The following ITGA8 variants were observed in gnomAD, a reference collection of about 807,000 sequenced individuals.
ITGA8 encodes the protein integrin alpha-8.
A neutral mutation model predicts 142.3 loss-of-function variants in ITGA8; 91 were observed. The ratio of observed to expected loss-of-function variants is 0.64; its 90% confidence interval spans 0.54 to 0.76. The LOEUF (loss-of-function observed/expected upper bound fraction) is 0.76. ITGA8 is among the 30% of genes least tolerant of loss of function. ITGA8 has a pLI of 0.00. For missense variants in ITGA8, 1,406 were observed against 1,327.7 expected (o/e 1.06, Z -0.92); for synonymous variants, 505 against 485.2 (o/e 1.04, Z -0.54).
At chr10:15,554,743 C>G (rs796839364) in intron 26 of ITGA8, among the ~76,000 whole-genome samples, 1 of 114,948 alleles carries the variant, frequency 8.7e-6, no homozygotes, top group Non-Finnish European at 1.9e-5. Flanking sequence ...TTCTTTCTTT[C>G]TTTCTTTTTT....
At chr10:15,610,201 G>A (rs1457728603) in intron 15 of ITGA8, among the ~76,000 whole-genome samples, 12 of 152,124 alleles carry the variant, frequency 7.9e-5, no homozygotes, top group Admixed American at 7.9e-4. Context: ...AAGAGTCTGT[G>A]AAGTCATAAT....
intron 2 of ITGA8, among the ~76,000 whole-genome samples, chr10:15,703,238 A>G (rs1302543264): frequency 6.6e-6 from 1 of 152,208 alleles, no homozygotes; most frequent in Non-Finnish European, 1.5e-5. Flanking sequence ...ATGAGAATAT[A>G]AATTTTCTGC....
At chr10:15,659,498 G>C (rs1461778945) in intron 9 of ITGA8, among the ~76,000 whole-genome samples, 1 of 152,150 alleles carries the variant, frequency 6.6e-6, no homozygotes, top group Non-Finnish European at 1.5e-5. Flanking sequence ...AGACAACCGT[G>C]ATGCTTTCTA....
intron 8 of ITGA8, among the ~76,000 whole-genome samples, chr10:15,669,205 G>T (rs1466267454): frequency 6.6e-6 from 1 of 152,118 alleles, no homozygotes; most frequent in East Asian, 1.9e-4. Flanking sequence ...TTTCTTGGAG[G>T]CTTTGTTCAT....
chr10:15,681,503 C>A (rs1455671526), intron 4 of ITGA8, among the ~76,000 whole-genome samples: 4 of 152,192 alleles, frequency 2.6e-5, no homozygotes, highest in Admixed American at 6.5e-5. Flanking sequence ...GCTTAAGATG[C>A]AAATGTACAT....
chr10:15,702,143 A>G (rs1835175578), intron 2 of ITGA8, among the ~76,000 whole-genome samples: 2 of 152,140 alleles, frequency 1.3e-5, no homozygotes. Context: ...TGTTCGAGAG[A>G]TGTGTTATTT....
intron 13 of ITGA8, among the ~76,000 whole-genome samples, chr10:15,641,215 G>A (rs1833866462): frequency 6.6e-6 from 1 of 152,138 alleles, no homozygotes; most frequent in Admixed American, 6.5e-5. Flanking sequence ...TACCACGGCT[G>A]GCTGAGGGGT....
intron 27 of ITGA8, among the ~76,000 whole-genome samples, chr10:15,534,297 C>A (rs1003361688): frequency 6.6e-6 from 1 of 152,208 alleles, no homozygotes; most frequent in Non-Finnish European, 1.5e-5. Flanking sequence ...TTCAGTGAGA[C>A]TGAGATGAGA....
intron 27 of ITGA8, among the ~76,000 whole-genome samples, chr10:15,538,966 T>G (rs992748765): frequency 6.0e-5 from 6 of 99,590 alleles, no homozygotes; most frequent in African/African-American, 1.9e-4. Context: ...TTTTTTTTTT[T>G]TTTTTTTTTT....
chr10:15,553,678 C>T (rs1833834002), intron 26 of ITGA8, among the ~76,000 whole-genome samples: 1 of 152,094 alleles, frequency 6.6e-6, no homozygotes, highest in Admixed American at 6.5e-5. Flanking sequence ...ATCCTAATAT[C>T]CTCTTTGAGG....
At chr10:15,667,235 G>C (rs1834413002) in intron 8 of ITGA8, among the ~76,000 whole-genome samples, 1 of 152,090 alleles carries the variant, frequency 6.6e-6, no homozygotes, top group Non-Finnish European at 1.5e-5. Flanking sequence ...CTTCTTTCTG[G>C]TTTAGTCTTG....
intron 6 of ITGA8, among the ~76,000 whole-genome samples, chr10:15,672,975 G>A (rs1228163497): frequency 6.6e-6 from 1 of 152,178 alleles, no homozygotes; most frequent in African/African-American, 2.4e-5. Context: ...TGGTCTTCCT[G>A]CTGCTTTTAA....
At position 15,514,847 on chromosome 10, in the gene ITGA8, T is replaced by A. The variant is rs1832934764; in HGVS notation, c.*2311A>T. ...AGGAAAGGGCCATCTTGGCTGAGAC[T>A]CTGGGATGGTGCAGTTCACTTTGGA... On this transcript the variant is annotated 3_prime_UTR_variant, in exon 30 of 30. Transcript: ENST00000378076. 3 of 152,270 alleles carry A rather than the reference T, an allele frequency of 2.0e-5. No individual in the cohort carries two copies. Among genetic ancestry groups the A allele is most frequent in the African/African-American group, 7.2e-5 (3 of 41,452 alleles). 9.4% of individuals were successfully genotyped at this position (152,270 alleles called of 1,614,324 possible).
chr10:15,563,794 G>A (rs1465234935), intron 25 of ITGA8, among the ~76,000 whole-genome samples: 1 of 152,066 alleles, frequency 6.6e-6, no homozygotes, highest in African/African-American at 2.4e-5. Flanking sequence ...GTGCACACCT[G>A]TAATCCCAGC....
chr10:15,637,516 T>G (rs1833792966), intron 13 of ITGA8, among the ~76,000 whole-genome samples: 1 of 143,010 alleles, frequency 7.0e-6, no homozygotes, highest in African/African-American at 2.5e-5. Flanking sequence ...TTTTTTTTTT[T>G]TTTTTTGTTT....
At chr10:15,523,800 T>C (rs1013817197) in intron 28 of ITGA8, among the ~76,000 whole-genome samples, 4 of 147,990 alleles carry the variant, frequency 2.7e-5, no homozygotes, top group Non-Finnish European at 4.5e-5. Context: ...GTGGTGGTGG[T>C]GCATACCTGT....
chr10:15,616,000 G>A (rs554068101), intron 14 of ITGA8, among the ~76,000 whole-genome samples: 2 of 152,302 alleles, frequency 1.3e-5, no homozygotes, highest in African/African-American at 2.4e-5. Flanking sequence ...ACTTGCCCAA[G>A]ATTACAAATA....
At chr10:15,688,638 AG>A (rs1834877226) in intron 2 of ITGA8, among the ~76,000 whole-genome samples, 1 of 152,252 alleles carries the variant, frequency 6.6e-6, no homozygotes, top group South Asian at 2.1e-4. Flanking sequence ...GCATGTTAAA[AG>A]TATCATTGAT....
intron 8 of ITGA8, 114 bp downstream of exon 8, chr10:15,671,489 A>C: frequency 1.2e-6 from 1 of 829,320 alleles, no homozygotes; most frequent in Non-Finnish European, 2.0e-6. Context: ...CTGGGACTCC[A>C]TTAATATCCC....
Sources: gnomAD v4.1 joint callset for allele counts (sites outside exome capture counted in the v4.1 genomes callset) on GRCh38, gnomAD v4.1.1 for gene constraint, MANE v1.5 for transcripts, NCBI Gene and HGNC (gene_info 2026-07-23, HGNC 2026-07-21) for gene names.